The following NUDT4 variants were observed in gnomAD, a reference collection of about 807,000 sequenced individuals.
The protein encoded by NUDT4 is diphosphoinositol polyphosphate phosphohydrolase 2.
NUDT4 carries 5 observed loss-of-function variants against 23.1 expected under a neutral mutation model. The ratio of observed to expected loss-of-function variants is 0.22; its 90% CI spans 0.11 to 0.46. The LOEUF is 0.46. Ranked by LOEUF, NUDT4 falls within the 20% of genes least tolerant of loss-of-function variation. The pLI, the probability that NUDT4 is intolerant of heterozygous loss-of-function variation, is 0.99. For synonymous variants in NUDT4, 50 were observed against 79.0 expected (o/e 0.63, Z 1.95); for missense variants, 96 against 211.6 (o/e 0.45, Z 3.39).
At chr12:93,380,695 A>G (rs1231674628) in intron 1 of NUDT4, among the ~76,000 whole-genome samples, 1 of 152,160 alleles carries the variant, frequency 6.6e-6, no homozygotes, top group Non-Finnish European at 1.5e-5. Context: ...GGCTTTATCT[A>G]TTACATGATT....
intron 1 of NUDT4, among the ~76,000 whole-genome samples, chr12:93,393,187 C>T (rs375164075): frequency 7.8e-5 from 11 of 140,576 alleles, no homozygotes; most frequent in Admixed American, 3.6e-4. Context: ...CTGCAACCTC[C>T]GCCTCCCAGG....
Position 93,385,914 on chromosome 12 carries a change from T to TTA in NUDT4, c.99+7508_99+7509dup, listed in dbSNP as rs71952346. Reference sequence around the variant, plus strand: ...TTTTAGATTTCTGCATGTATAGATTTTATATATATATATATAGTAAATCTT... The same window carrying TTA: ...TTTTAGATTTCTGCATGTATAGATTTTATATATATATATATATAGTAAATCTT... On this transcript the variant is annotated intron_variant, in intron 1 of 4. Transcript: ENST00000415493. Among the ~76,000 whole-genome samples the TTA allele has an allele frequency of 4.0e-3, 528 of 131,678 alleles. 9 individuals carry two copies. The highest frequency in any genetic ancestry group is 0.025 in the Admixed American group (311 of 12,646). 86.4% of individuals were successfully genotyped at this position (131,678 alleles called of 152,430 possible). A position where few individuals can be genotyped will look rare whatever the true frequency, so the allele number is the denominator to read the frequency against.
At chr12:93,386,349 G>T (rs538519949) in intron 1 of NUDT4, among the ~76,000 whole-genome samples, 1 of 152,152 alleles carries the variant, frequency 6.6e-6, no homozygotes, top group East Asian at 1.9e-4. Flanking sequence ...GGCCGAGGTG[G>T]GTGGATCATT....
At position 93,378,627 on chromosome 12, in the gene NUDT4, C is replaced by T. The variant is rs553988754; in HGVS notation, c.99+206C>T. The T allele has an allele frequency of 2.7e-5, 33 of 1,216,606 alleles. 1 individual carries two copies. The Admixed American group carries it at 9.4e-4, about 35-fold the overall frequency. The allele number at this position is 1,216,606 out of a possible 1,614,324, so 75.4% of individuals were successfully genotyped here. A position where few individuals can be genotyped will look rare whatever the true frequency, so the allele number is the denominator to read the frequency against. On this transcript the variant is annotated intron_variant, in intron 1 of 4. Transcript: ENST00000415493. ...TGATAGATGAGACAAAGGGGGCTCG[C>T]CCAGCCCCAGTTTCTCCATCTGGGC...
chr12:93,381,084 G>A (rs1336786943), intron 1 of NUDT4: 1 of 152,182 alleles, frequency 6.6e-6, no homozygotes, highest in African/African-American at 2.4e-5. Context: ...TGTTCTAAGA[G>A]CAGAGTTATT....
At chr12:93,381,459 A>G (rs1208563729) in intron 1 of NUDT4, among the ~76,000 whole-genome samples, 1 of 152,256 alleles carries the variant, frequency 6.6e-6, no homozygotes, top group Non-Finnish European at 1.5e-5. Flanking sequence ...ATGTATTTGC[A>G]TATATGATAG....
chr12:93,391,704 TCCAAC>T (rs1876518790), intron 1 of NUDT4, among the ~76,000 whole-genome samples: 1 of 152,032 alleles, frequency 6.6e-6, no homozygotes. Context: ...GTCACTGCAC[TCCAAC>T]GTGGATGTCC....
chr12:93,388,574 G>A (rs1382056967), intron 1 of NUDT4, among the ~76,000 whole-genome samples: 1 of 152,188 alleles, frequency 6.6e-6, no homozygotes. Flanking sequence ...TCCTTCTAGA[G>A]GCTGAAGATT....
At chr12:93,379,409 C>T (rs1293568256) in intron 1 of NUDT4, among the ~76,000 whole-genome samples, 1 of 152,116 alleles carries the variant, frequency 6.6e-6, no homozygotes, top group African/African-American at 2.4e-5. Flanking sequence ...GCTTTCATAA[C>T]CAACCGTGTA....
chr12:93,393,090 CTTTTTTTT>C (rs143810374), intron 1 of NUDT4, among the ~76,000 whole-genome samples: 1 of 114,876 alleles, frequency 8.7e-6, no homozygotes, highest in Non-Finnish European at 1.8e-5. Flanking sequence ...AGATTTCAGT[CTTTTTTTT>C]TTTTTTTTTT....
intron 1 of NUDT4, 23 bp from the exon 2 acceptor site, chr12:93,394,586 T>C: frequency 3.6e-6 from 5 of 1,398,880 alleles, no homozygotes; most frequent in Non-Finnish European, 5.0e-6. Context: ...GCTGGAAGTA[T>C]ACAGTTATGG....
At position 93,405,744 on chromosome 12, in the gene NUDT4, A is replaced by G. The variant is rs1447016230; in HGVS notation, c.*6365A>G. The G allele has an allele frequency of 6.6e-6, 1 of 152,158 alleles. No individual in the cohort carries two copies. Among genetic ancestry groups the G allele is most frequent in the African/African-American group, 2.4e-5 (1 of 41,444 alleles). 9.4% of individuals were successfully genotyped at this position (152,158 alleles called of 1,614,324 possible). A position where few individuals can be genotyped will look rare whatever the true frequency, so the allele number is the denominator to read the frequency against. On this transcript the variant is annotated 3_prime_UTR_variant, in exon 5 of 5. Coordinates refer to ENST00000415493, the MANE Select transcript of NUDT4 (RefSeq NM_019094.6). ...CTTCTCTCAAATTATTACATTCAGC[A>G]TGTTTTGCTTTTTATGTTATTTAAA... is the stretch of plus-strand genomic sequence containing the variant.
intron 3 of NUDT4, among the ~76,000 whole-genome samples, chr12:93,397,571 G>A (rs1227571965): frequency 6.6e-6 from 1 of 151,844 alleles, no homozygotes; most frequent in Non-Finnish European, 1.5e-5. Context: ...CTGTCATCCA[G>A]GCTTTAGTGC....
chr12:93,395,885 TAA>T (rs1430913169), intron 3 of NUDT4, among the ~76,000 whole-genome samples: 6 of 152,154 alleles, frequency 3.9e-5, no homozygotes, highest in South Asian at 2.1e-4. Context: ...CACGCCCAGC[TAA>T]GTTTTGTATT....
chr12:93,381,691 T>A (rs1231794225), intron 1 of NUDT4, among the ~76,000 whole-genome samples: 2 of 152,172 alleles, frequency 1.3e-5, no homozygotes, highest in African/African-American at 4.8e-5. Context: ...TGTGATAGAT[T>A]TGGCTGCAGC....
intron 3 of NUDT4, among the ~76,000 whole-genome samples, chr12:93,397,935 G>C (rs955028128): frequency 6.6e-6 from 1 of 152,190 alleles, no homozygotes; most frequent in Non-Finnish European, 1.5e-5. Context: ...CCATGTCATT[G>C]AAAGGTTGTC....
rs774542046 is a variant in NUDT4, at chr12:93,405,139, A to C, written c.*5760A>C. 2.6e-5 allele frequency: 4 copies of C among 152,192 alleles called. No homozygotes were observed. Among genetic ancestry groups the C allele is most frequent in the Non-Finnish European group, 5.9e-5 (4 of 68,038 alleles). The allele number at this position is 152,192 out of a possible 1,614,324, so 9.4% of individuals were successfully genotyped here. A position where few individuals can be genotyped will look rare whatever the true frequency, so the allele number is the denominator to read the frequency against. On this transcript the variant is annotated 3_prime_UTR_variant, in exon 5 of 5. Coordinates refer to ENST00000415493, the MANE Select transcript of NUDT4 (RefSeq NM_019094.6). Reference sequence around the variant, plus strand: ...ACCTAAGAGAAACAGCACCAAGTTCAATCTAGTGCAATCAGCCTATCACAT... The same window carrying C: ...ACCTAAGAGAAACAGCACCAAGTTCCATCTAGTGCAATCAGCCTATCACAT...
At chr12:93,380,850 G>A (rs1237448318) in intron 1 of NUDT4, 1 of 152,204 alleles carries the variant, frequency 6.6e-6, no homozygotes, top group East Asian at 1.9e-4. Context: ...TAATAGGTGA[G>A]AAATGTTTCC....
chr12:93,388,706 A>G (rs1400819366), intron 1 of NUDT4, among the ~76,000 whole-genome samples: 1 of 152,220 alleles, frequency 6.6e-6, no homozygotes, highest in African/African-American at 2.4e-5. Context: ...AAGGTTTTGC[A>G]TGAAAATTTA....
Sources: gnomAD v4.1 joint callset for allele counts (sites outside exome capture counted in the v4.1 genomes callset) on GRCh38, gnomAD v4.1.1 for gene constraint, MANE v1.5 for transcripts, NCBI Gene and HGNC (gene_info 2026-07-23, HGNC 2026-07-21) for gene names.